ITPK1: variants seen among roughly 807,000 people sequenced by gnomAD.
ITPK1 encodes inositol 1,3,4-trisphosphate 5/6-kinase.
Under a neutral mutation model 45.3 loss-of-function variants are expected in ITPK1, and 21 were observed. The ratio of observed to expected loss-of-function variants is 0.46; its 90% CI spans 0.33 to 0.67. The LOEUF is 0.67. Among genes scored for constraint, ITPK1 ranks in the 30% least tolerant of loss-of-function variants. The probability of loss-of-function intolerance (pLI) is 0.02; values close to 1 mark genes in which losing one functional copy is unlikely to be tolerated. For synonymous variants in ITPK1, 258 were observed against 253.6 expected (o/e 1.02, Z -0.16); for missense variants, 474 against 573.5 (o/e 0.83, Z 1.77).
chr14:93,040,446 C>A (rs1165743377), intron 3 of ITPK1, among the ~76,000 whole-genome samples: 1 of 152,304 alleles, frequency 6.6e-6, no homozygotes, highest in South Asian at 2.1e-4. Context: ...CCCTCACCAC[C>A]AACAGAATGA....
chr14:93,094,922 C>A (rs1221361868), intron 2 of ITPK1, among the ~76,000 whole-genome samples: 1 of 152,222 alleles, frequency 6.6e-6, no homozygotes, highest in South Asian at 2.1e-4. Flanking sequence ...CAGGCTTGCC[C>A]GCTTTCTCCA....
intron 4 of ITPK1, among the ~76,000 whole-genome samples, chr14:93,013,138 G>A (rs973625882): frequency 2.0e-5 from 3 of 152,222 alleles, no homozygotes; most frequent in Non-Finnish European, 4.4e-5. Context: ...CCCCTGCCTG[G>A]TTCTGCACAC....
At position 92,936,978 on chromosome 14, in the gene ITPK1, A is replaced by G. The variant is rs1254473402; in HGVS notation, c.*4583T>C. 1.3e-5 allele frequency: 2 copies of G among 152,216 alleles called. No individual in the cohort carries two copies. Among genetic ancestry groups the G allele is most frequent in the African/African-American group, 2.4e-5 (1 of 41,434 alleles). The allele number at this position is 152,216 out of a possible 1,614,324, so 9.4% of individuals were successfully genotyped here. ...AGTTAGGTTTATACTCCACCCCTACAGTTACAGAAATAAACACAACATTAA... is the reference window on the plus strand; with the variant it reads ...AGTTAGGTTTATACTCCACCCCTACGGTTACAGAAATAAACACAACATTAA... On this transcript the variant is annotated 3_prime_UTR_variant, in exon 11 of 11. Coordinates refer to ENST00000267615, the MANE Select transcript of ITPK1 (RefSeq NM_014216.6).
chr14:92,998,307 G>C (rs1387282915), intron 4 of ITPK1, among the ~76,000 whole-genome samples: 1 of 152,212 alleles, frequency 6.6e-6, no homozygotes, highest in Admixed American at 6.5e-5. Context: ...GCCTTGCCCT[G>C]TGCAGCCGAC....
intron 3 of ITPK1, among the ~76,000 whole-genome samples, chr14:93,024,368 C>T (rs1888624623): frequency 6.6e-6 from 1 of 152,146 alleles, no homozygotes; most frequent in African/African-American, 2.4e-5. Context: ...GGGAAGGGCA[C>T]ATCCCTCCCC....
At chr14:92,977,399 T>C (rs1886001148) in intron 5 of ITPK1, among the ~76,000 whole-genome samples, 1 of 152,170 alleles carries the variant, frequency 6.6e-6, no homozygotes, top group East Asian at 1.9e-4. Context: ...TCTTGACCCT[T>C]AGGCATTAAG....
intron 5 of ITPK1, among the ~76,000 whole-genome samples, chr14:92,990,822 G>A (rs1886743922): frequency 1.3e-5 from 2 of 152,174 alleles, no homozygotes; most frequent in African/African-American, 4.8e-5. Flanking sequence ...ATTCCTGGGA[G>A]AGCCTCCCCT....
chr14:93,009,457 G>A (rs990968301), intron 4 of ITPK1, among the ~76,000 whole-genome samples: 2 of 152,178 alleles, frequency 1.3e-5, no homozygotes, highest in Admixed American at 6.5e-5. Context: ...TGGTTGGTAA[G>A]AGGGCCACAT....
At chr14:92,970,675 G>T (rs938074885) in intron 5 of ITPK1, among the ~76,000 whole-genome samples, 2 of 150,486 alleles carry the variant, frequency 1.3e-5, no homozygotes, top group Non-Finnish European at 3.0e-5. Context: ...TCGCTCTGTC[G>T]CCCAGGCTGG....
At chr14:92,977,936 C>T (rs529139334) in intron 5 of ITPK1, among the ~76,000 whole-genome samples, 42 of 151,910 alleles carry the variant, frequency 2.8e-4, no homozygotes, top group Admixed American at 5.2e-4. Context: ...AACTTTGGAA[C>T]TAGATAACGG....
chr14:92,954,619 T>A (rs1466029290), intron 8 of ITPK1, among the ~76,000 whole-genome samples: 3 of 152,322 alleles, frequency 2.0e-5, no homozygotes, highest in Non-Finnish European at 4.4e-5. Context: ...TCTCAACTTA[T>A]GGATTTAAAA....
intron 3 of ITPK1, among the ~76,000 whole-genome samples, chr14:93,026,802 C>T (rs566185944): frequency 2.6e-5 from 4 of 152,102 alleles, no homozygotes; most frequent in South Asian, 2.1e-4. Flanking sequence ...TCTGTGGTGA[C>T]GTGGAAAGAT....
chr14:92,954,561 G>A (rs985940500), intron 8 of ITPK1, among the ~76,000 whole-genome samples: 8 of 152,290 alleles, frequency 5.3e-5, no homozygotes, highest in Non-Finnish European at 8.8e-5. Context: ...TACCACCAAC[G>A]TTCTACAGGG....
In ITPK1 at chr14:93,107,544, G is replaced by A. The variant is rs548432671; in HGVS notation, c.95+7525C>T. Among the ~76,000 whole-genome samples, 3 of 152,242 alleles carry A rather than the reference G, an allele frequency of 2.0e-5. No homozygotes were observed. In the South Asian group the frequency reaches 6.2e-4, roughly 32 times the overall value. ...CTGTGGGTCCCGATTCACCCTCTGGGGCAGCTGAGTCTGCAGGTGGCCTCT... is the reference window on the plus strand; with the variant it reads ...CTGTGGGTCCCGATTCACCCTCTGGAGCAGCTGAGTCTGCAGGTGGCCTCT... On this transcript the variant is annotated intron_variant, in intron 2 of 10. Transcript: ENST00000267615.
chr14:93,017,664 C>T (rs545016023), intron 3 of ITPK1, among the ~76,000 whole-genome samples: 2 of 152,232 alleles, frequency 1.3e-5, no homozygotes, highest in African/African-American at 2.4e-5. Flanking sequence ...GGCGCCAGCC[C>T]GGCACCTGGC....
At chr14:93,090,231 A>G (rs980240388) in intron 2 of ITPK1, among the ~76,000 whole-genome samples, 1 of 151,924 alleles carries the variant, frequency 6.6e-6, no homozygotes. Context: ...CGTGCCCCAC[A>G]GGTCGGTTCT....
At chr14:93,037,565 C>T (rs370919872) in intron 3 of ITPK1, among the ~76,000 whole-genome samples, 2 of 152,126 alleles carry the variant, frequency 1.3e-5, no homozygotes, top group Non-Finnish European at 2.9e-5. Flanking sequence ...CACTTCACAA[C>T]GGGAGTCCAA....
chr14:92,964,394 G>C (rs1367836089), intron 5 of ITPK1, among the ~76,000 whole-genome samples: 2 of 152,084 alleles, frequency 1.3e-5, no homozygotes, highest in African/African-American at 4.8e-5. Context: ...GGGGAAGTCA[G>C]GAAAGTCAGG....
At chr14:92,996,022 A>T (rs1377702065) in intron 4 of ITPK1, among the ~76,000 whole-genome samples, 1 of 152,172 alleles carries the variant, frequency 6.6e-6, no homozygotes, top group Admixed American at 6.5e-5. Flanking sequence ...TGCTTCCAAG[A>T]GAGCAGGTCA....
Sources: allele counts gnomAD v4.1 joint callset (sites outside exome capture counted in the v4.1 genomes callset), GRCh38; gene constraint gnomAD v4.1.1; transcripts MANE v1.5; gene names NCBI Gene and HGNC (gene_info 2026-07-23, HGNC 2026-07-21).